NHS: variants seen among roughly 807,000 people sequenced by gnomAD.
NHS encodes NHS actin remodeling regulator.
A neutral mutation model predicts 72.5 loss-of-function variants in NHS; 5 were observed. The ratio of observed to expected loss-of-function variants is 0.07; its 90% CI spans 0.04 to 0.14. The LOEUF (loss-of-function observed/expected upper bound fraction) is 0.14, where lower values mean the gene tolerates loss of function less well. Ranked by LOEUF, NHS falls within the 10% of genes least tolerant of loss-of-function variation. The pLI is 1.00. For synonymous variants in NHS, 464 were observed against 547.7 expected (o/e 0.85, Z 2.13); for missense variants, 1,072 against 1,355.7 (o/e 0.79, Z 3.29).
At chrX:17,525,638 C>CTTTTTTTTTTTTTT (rs1162709869) in intron 1 of NHS, among the ~76,000 whole-genome samples, 1 of 53,032 alleles carries the variant, frequency 1.9e-5, no homozygotes, top group Non-Finnish European at 3.6e-5. Flanking sequence ...TCTTTCTTTT[C>CTTTTTTTTTTTTTT]TTTTTTTTTT....
intron 1 of NHS, among the ~76,000 whole-genome samples, chrX:17,568,995 T>C (rs1263386383): frequency 9.0e-6 from 1 of 111,464 alleles, no homozygotes; most frequent in East Asian, 2.8e-4. Context: ...GGACAGGAAC[T>C]CATCCTTTTT....
Position 17,375,286 on chromosome X carries a change from C to T in NHS, c.-472C>T. The T allele has an allele frequency of 3.4e-6, 1 of 294,311 alleles. No homozygotes were observed. The highest frequency in any genetic ancestry group is 5.9e-6 in the Non-Finnish European group (1 of 168,415). The allele number at this position is 294,311 out of a possible 1,213,427, so 24.3% of individuals were successfully genotyped here. A position where few individuals can be genotyped will look rare whatever the true frequency, so the allele number is the denominator to read the frequency against. On this transcript the variant is annotated 5_prime_UTR_variant, in exon 1 of 9. Transcript: ENST00000676302. The stretch of plus-strand genomic sequence containing the variant: ...CTCCCCGGAGCGGCCGAGGGGCGCG[C>T]GGGGAGAGGCCTGCGCCGGGGTACT...
intron 1 of NHS, among the ~76,000 whole-genome samples, chrX:17,599,643 T>A (rs1026209213): frequency 1.8e-5 from 2 of 110,685 alleles, no homozygotes; most frequent in Non-Finnish European, 3.8e-5. Context: ...ATCATTCACA[T>A]AATTATTTTT....
At chrX:17,415,770 G>A (rs774217002) in intron 1 of NHS, among the ~76,000 whole-genome samples, 13 of 112,027 alleles carry the variant, frequency 1.2e-4, no homozygotes, top group African/African-American at 4.2e-4. Flanking sequence ...TCTGGACTGA[G>A]ATTGGGATAT....
chrX:17,586,322 G>A (rs923704460), intron 1 of NHS: 3 of 111,349 alleles, frequency 2.7e-5, no homozygotes, highest in Non-Finnish European at 3.8e-5. Flanking sequence ...ATGGCTACAA[G>A]AACATCAGAA....
intron 1 of NHS, among the ~76,000 whole-genome samples, chrX:17,466,071 A>C (rs997988654): frequency 8.8e-6 from 1 of 113,517 alleles, no homozygotes; most frequent in Non-Finnish European, 1.9e-5. Context: ...CAGAGCACAG[A>C]TCACAGATGT....
chrX:17,600,589 A>T (rs1487242881), intron 1 of NHS, among the ~76,000 whole-genome samples: 4 of 112,202 alleles, frequency 3.6e-5, no homozygotes, highest in African/African-American at 1.3e-4. Flanking sequence ...ACAAATTCCT[A>T]GGAGGGAACA....
At chrX:17,388,153 T>C (rs187952847) in intron 1 of NHS, among the ~76,000 whole-genome samples, 1 of 112,213 alleles carries the variant, frequency 8.9e-6, no homozygotes, top group Non-Finnish European at 1.9e-5. Flanking sequence ...ACCAATAATC[T>C]TATTATCCAG....
intron 1 of NHS, among the ~76,000 whole-genome samples, chrX:17,562,431 C>G (rs1476238161): frequency 9.0e-6 from 1 of 111,684 alleles, no homozygotes; most frequent in Admixed American, 9.5e-5. Flanking sequence ...GAATTTCAGG[C>G]CAAACCTGTG....
intron 1 of NHS, among the ~76,000 whole-genome samples, chrX:17,585,459 T>C (rs912311759): frequency 1.4e-4 from 16 of 111,671 alleles, no homozygotes; most frequent in African/African-American, 5.2e-4. Context: ...GCCAGCAGCA[T>C]TTTCACCCAG....
intron 3 of NHS, among the ~76,000 whole-genome samples, chrX:17,714,869 C>T (rs2066355720): frequency 8.9e-6 from 1 of 112,185 alleles, no homozygotes; most frequent in African/African-American, 3.2e-5. Flanking sequence ...AGTTCTCTTG[C>T]AGTTGTATTT....
At chrX:17,615,229 T>TATATATACGTATATATACAC (rs755258617) in intron 1 of NHS, among the ~76,000 whole-genome samples, 3,049 of 85,572 alleles carry the variant, frequency 0.036, 193 homozygotes, top group African/African-American at 0.16. Context: ...TATATACACA[T>TATATATACGTATATATACAC]ATATATACGT....
chrX:17,681,896 A>G, intron 1 of NHS, among the ~76,000 whole-genome samples: 1 of 111,697 alleles, frequency 9.0e-6, no homozygotes, highest in Non-Finnish European at 1.9e-5. Flanking sequence ...ATTTGTTAAG[A>G]GACCTAGATC....
Position 17,376,140 on chromosome X carries a change from G to C in NHS, c.383G>C (p.Ser128Thr). The change falls in exon 1 of 9, where the codon AGC (serine) becomes ACC (threonine). Residue 128 changes from serine (S) to threonine (T), a missense_variant. Coordinates refer to ENST00000676302, the MANE Select transcript of NHS (RefSeq NM_001291867.2). ...CTCATGCTGGACCTATGCGCGGTCA[G>C]CAACGCCGCTCTGGCCCGTGTCCTC... The part of the protein sequence containing the change: ...VLLMLDLCAV[S>T]NAALARVLRQ... 5.9e-6 allele frequency: 7 copies of C among 1,183,237 alleles called. No homozygotes were observed. The highest frequency in any genetic ancestry group is 5.5e-5 in the South Asian group (3 of 54,747).
chrX:17,579,622 T>C (rs1247226964), intron 1 of NHS, among the ~76,000 whole-genome samples: 1 of 111,206 alleles, frequency 9.0e-6, no homozygotes, highest in East Asian at 2.8e-4. Flanking sequence ...TTACCCCCTC[T>C]TTACGCAGGC....
At chrX:17,397,924 G>A (rs1462755815) in intron 1 of NHS, among the ~76,000 whole-genome samples, 1 of 111,952 alleles carries the variant, frequency 8.9e-6, no homozygotes, top group South Asian at 3.8e-4. Flanking sequence ...AGCTGTCTGT[G>A]TAGTTGAGTT....
At chrX:17,653,491 G>A (rs1443748533) in intron 1 of NHS, among the ~76,000 whole-genome samples, 2 of 107,625 alleles carry the variant, frequency 1.9e-5, no homozygotes, top group African/African-American at 6.8e-5. Context: ...AAGCAATCTA[G>A]TTATATCATT....
chrX:17,592,830 T>C (rs1045824657), intron 1 of NHS, among the ~76,000 whole-genome samples: 1 of 111,299 alleles, frequency 9.0e-6, no homozygotes, highest in Non-Finnish European at 1.9e-5. Context: ...ACTGCCAAGC[T>C]GGGAAGGAAG....
At chrX:17,665,548 C>T (rs1048606707) in intron 1 of NHS, among the ~76,000 whole-genome samples, 4 of 109,117 alleles carry the variant, frequency 3.7e-5, no homozygotes, top group East Asian at 2.9e-4. Flanking sequence ...AGGATGGTCT[C>T]GATCTCCTGA....
Sources: gnomAD v4.1 joint callset for allele counts (sites outside exome capture counted in the v4.1 genomes callset) on GRCh38, gnomAD v4.1.1 for gene constraint, MANE v1.5 for transcripts, NCBI Gene and HGNC (gene_info 2026-07-23, HGNC 2026-07-21) for gene names.